The following RGS7BP variants were observed in gnomAD, a reference collection of about 807,000 sequenced individuals.
The protein encoded by RGS7BP is regulator of G protein signaling 7-binding protein.
Under a neutral mutation model 31.3 loss-of-function variants are expected in RGS7BP, and 9 were observed. The ratio of observed to expected loss-of-function variants is 0.29; its 90% CI spans 0.17 to 0.50. The LOEUF is 0.50. RGS7BP is among the 20% of genes least tolerant of loss of function. The pLI is 0.98. For missense variants in RGS7BP, 274 were observed against 322.0 expected (o/e 0.85, Z 1.14); for synonymous variants, 115 against 120.1 (o/e 0.96, Z 0.28).
At chr5:64,571,778 T>C (rs1463121141) in intron 2 of RGS7BP, among the ~76,000 whole-genome samples, 1 of 152,166 alleles carries the variant, frequency 6.6e-6, no homozygotes, top group African/African-American at 2.4e-5. Context: ...CATTAAATCC[T>C]GATCTGTAAG....
chr5:64,546,533 C>G (rs1326086154), intron 2 of RGS7BP, among the ~76,000 whole-genome samples: 3 of 152,050 alleles, frequency 2.0e-5, no homozygotes, highest in Non-Finnish European at 4.4e-5. Flanking sequence ...CTGAAAATGA[C>G]CATTTCAGGG....
chr5:64,523,031 C>A (rs915571453), intron 2 of RGS7BP, among the ~76,000 whole-genome samples: 2 of 152,044 alleles, frequency 1.3e-5, no homozygotes, highest in Non-Finnish European at 2.9e-5. Flanking sequence ...GAAGGAGGGC[C>A]GAACCAGTTC....
chr5:64,519,240 T>C (rs1471437220), intron 2 of RGS7BP, among the ~76,000 whole-genome samples: 1 of 152,186 alleles, frequency 6.6e-6, no homozygotes, highest in African/African-American at 2.4e-5. Context: ...CAACCTCTCC[T>C]TCCTCCTCAT....
Position 64,506,711 on chromosome 5 carries a change from G to A in RGS7BP, c.87G>A (p.Gln29=). The A allele has an allele frequency of 3.1e-6, 5 of 1,613,220 alleles. No individual in the cohort carries two copies. The highest frequency in any genetic ancestry group is 4.2e-6 in the Non-Finnish European group (5 of 1,179,310). ...TCCAGATCAGCAAGCCCCCGCTGCAGAGCGGAGATTGGGAGCGCAGGGGCA... is the reference window on the plus strand; with the variant it reads ...TCCAGATCAGCAAGCCCCCGCTGCAAAGCGGAGATTGGGAGCGCAGGGGCA... The part of the protein sequence containing the change: ...SIFQISKPPL[Q]SGDWERRGSG... Residue 29 remains glutamine (Q), a synonymous_variant, in exon 1 of 6, where the codon CAG becomes CAA. Coordinates refer to ENST00000334025, the MANE Select transcript of RGS7BP (RefSeq NM_001029875.3). The surrounding 1 kb of genome is among the most constrained non-coding windows in gnomAD (Gnocchi z 4.6).
chr5:64,593,712 C>T (rs1241431386), intron 3 of RGS7BP, among the ~76,000 whole-genome samples: 1 of 152,152 alleles, frequency 6.6e-6, no homozygotes, highest in East Asian at 1.9e-4. Context: ...TCTTTCACCT[C>T]CATATCTCTA....
chr5:64,558,384 T>C (rs1419299883), intron 2 of RGS7BP, among the ~76,000 whole-genome samples: 1 of 152,168 alleles, frequency 6.6e-6, no homozygotes, highest in Admixed American at 6.6e-5. Flanking sequence ...CACCTGTCTT[T>C]ACTGCAATCT....
rs182101519 is a variant in RGS7BP, at chr5:64,514,613, A to G, written c.332+6736A>G. 3.7e-3 allele frequency among the ~76,000 whole-genome samples: 565 copies of G among 152,308 alleles called. 2 individuals carry two copies. The highest frequency in any genetic ancestry group is 9.8e-3 in the South Asian group (47 of 4,820). The stretch of plus-strand genomic sequence containing the variant: ...ATACTGAGTCTCTAATACAGCTAGC[A>G]CTTTTCTTTAATCAATTTAATTATA... On this transcript the variant is annotated intron_variant, in intron 2 of 5. Coordinates refer to ENST00000334025, the MANE Select transcript of RGS7BP (RefSeq NM_001029875.3).
intron 5 of RGS7BP, among the ~76,000 whole-genome samples, chr5:64,603,315 A>G (rs1214592966): frequency 6.6e-6 from 1 of 152,210 alleles, no homozygotes; most frequent in African/African-American, 2.4e-5. Flanking sequence ...CAAGTTAGAG[A>G]CAACAGAGGA....
chr5:64,530,920 T>C (rs1749355425), intron 2 of RGS7BP, among the ~76,000 whole-genome samples: 1 of 152,146 alleles, frequency 6.6e-6, no homozygotes, highest in African/African-American at 2.4e-5. Flanking sequence ...CCAAGGAGAA[T>C]GCACAGTCTA....
intron 2 of RGS7BP, among the ~76,000 whole-genome samples, chr5:64,565,153 C>T (rs1386590469): frequency 1.3e-5 from 2 of 152,098 alleles, no homozygotes; most frequent in African/African-American, 2.4e-5. Flanking sequence ...TAACTTCACT[C>T]ATCACAACAA....
At chr5:64,591,522 G>A (rs559418281) in intron 3 of RGS7BP, among the ~76,000 whole-genome samples, 1 of 152,114 alleles carries the variant, frequency 6.6e-6, no homozygotes, top group East Asian at 1.9e-4. Context: ...GTTTACCACT[G>A]GTGGACGTAA....
intron 2 of RGS7BP, among the ~76,000 whole-genome samples, chr5:64,509,551 G>C (rs534215111): frequency 2.6e-5 from 4 of 152,198 alleles, no homozygotes; most frequent in African/African-American, 9.6e-5. Context: ...AGGATTTCAG[G>C]TGGATTTTTT....
intron 2 of RGS7BP, among the ~76,000 whole-genome samples, chr5:64,561,512 C>T (rs768378895): frequency 3.3e-5 from 5 of 152,140 alleles, no homozygotes; most frequent in Non-Finnish European, 5.9e-5. Flanking sequence ...TCTCAAGCCT[C>T]ATTTCCCTCA....
At chr5:64,541,448 G>A (rs995697326) in intron 2 of RGS7BP, among the ~76,000 whole-genome samples, 1 of 152,166 alleles carries the variant, frequency 6.6e-6, no homozygotes, top group African/African-American at 2.4e-5. Flanking sequence ...CCAAAACGCA[G>A]CAGCTGTAGG....
chr5:64,542,166 G>C (rs1375579324), intron 2 of RGS7BP, among the ~76,000 whole-genome samples: 1 of 152,184 alleles, frequency 6.6e-6, no homozygotes, highest in Non-Finnish European at 1.5e-5. Context: ...GGGTAGACTT[G>C]TCAGTATCAT....
chr5:64,610,214 G>A lies in RGS7BP; in HGVS notation c.*962G>A, dbSNP rs987804871. 2.0e-4 allele frequency: 31 copies of A among 152,368 alleles called. No individual in the cohort carries two copies. The highest frequency in any genetic ancestry group is 6.8e-4 in the African/African-American group (28 of 41,394). The allele number at this position is 152,368 out of a possible 1,614,324, so 9.4% of individuals were successfully genotyped here. On this transcript the variant is annotated 3_prime_UTR_variant, in exon 6 of 6. Coordinates refer to ENST00000334025, the MANE Select transcript of RGS7BP (RefSeq NM_001029875.3). Reference sequence around the variant, plus strand: ...GTTAAGCTAAGCTTGTCTCATTTTAGATGACTATGCAGATAAGATTTTTCC... The same window carrying A: ...GTTAAGCTAAGCTTGTCTCATTTTAAATGACTATGCAGATAAGATTTTTCC...
At chr5:64,596,510 C>T (rs1040563877) in intron 4 of RGS7BP, among the ~76,000 whole-genome samples, 14 of 152,268 alleles carry the variant, frequency 9.2e-5, no homozygotes, top group African/African-American at 3.1e-4. Context: ...GGAGACAGTG[C>T]CTCAATCCCC....
At chr5:64,582,335 C>A (rs1386856303) in intron 3 of RGS7BP, among the ~76,000 whole-genome samples, 2 of 152,214 alleles carry the variant, frequency 1.3e-5, no homozygotes, top group African/African-American at 4.8e-5. Context: ...CTCTTGCTTT[C>A]TTTTCCCAAT....
In RGS7BP at chr5:64,526,600, A is replaced by G. The variant is rs114858496; in HGVS notation, c.332+18723A>G. The stretch of plus-strand genomic sequence containing the variant: ...AACTTCCCTGCAACCAAAAAGGCAC[A>G]ATGAATGGCAGTGATGGCCAAGTCC... On this transcript the variant is annotated intron_variant, in intron 2 of 5. Coordinates refer to ENST00000334025, the MANE Select transcript of RGS7BP (RefSeq NM_001029875.3). Among the ~76,000 whole-genome samples, 631 of 152,296 alleles carry G rather than the reference A, an allele frequency of 4.1e-3. 2 individuals are homozygous for G. The highest frequency in any genetic ancestry group is 0.015 in the African/African-American group (621 of 41,566).
Sources: allele counts gnomAD v4.1 joint callset (sites outside exome capture counted in the v4.1 genomes callset), GRCh38; gene constraint gnomAD v4.1.1; non-coding constraint Gnocchi (gnomAD v3.1); transcripts MANE v1.5; gene names NCBI Gene and HGNC (gene_info 2026-07-23, HGNC 2026-07-21).